The following PCDHA1 variants were observed in gnomAD, a reference collection of about 807,000 sequenced individuals.
PCDHA1 encodes the protein protocadherin alpha-1.
In PCDHA1, 42 loss-of-function variants were observed where a neutral mutation model predicts 61.3. That is an observed-to-expected ratio of 0.69 (90% CI 0.54 to 0.89). PCDHA1 has a LOEUF of 0.89. Ranked by LOEUF, PCDHA1 falls within the 40% of genes least tolerant of loss-of-function variation. The pLI is 0.00. For synonymous variants in PCDHA1, 610 were observed against 553.8 expected (o/e 1.10, Z -1.43); for missense variants, 1,256 against 1,235.3 (o/e 1.02, Z -0.25).
At chr5:140,834,347 AG>A (rs2150215572) in intron 1 of PCDHA1, 2 of 1,523,758 alleles carry the variant, frequency 1.3e-6, no homozygotes, top group South Asian at 2.6e-5. Flanking sequence ...TTCGAAGGCA[AG>A]TTTTGCTGAC....
At chr5:140,927,824 A>C in intron 1 of PCDHA1, 1 of 1,614,182 alleles carries the variant, frequency 6.2e-7, no homozygotes, top group Non-Finnish European at 8.5e-7. Context: ...GCATACATTG[A>C]GGCGAGGGAC....
intron 3 of PCDHA1, among the ~76,000 whole-genome samples, chr5:141,005,512 G>C (rs1015892170): frequency 6.6e-6 from 1 of 151,536 alleles, no homozygotes; most frequent in Non-Finnish European, 1.5e-5. Flanking sequence ...GACCATCCTG[G>C]CTAACACGGT....
chr5:140,875,731 A>C, intron 1 of PCDHA1: 14 of 1,614,150 alleles, frequency 8.7e-6, no homozygotes, highest in Non-Finnish European at 1.0e-5. Context: ...TTTGTTTGTG[A>C]ATTCTCGGAT....
intron 1 of PCDHA1, chr5:140,875,865 G>A (rs782211791): frequency 6.2e-7 from 1 of 1,614,160 alleles, no homozygotes; most frequent in Non-Finnish European, 8.5e-7. Context: ...ACAACCCGCC[G>A]GTGTTCAGAG....
chr5:140,857,988 T>C lies in PCDHA1; in HGVS notation c.2394+69304T>C, dbSNP rs370495338. 30 of 1,596,780 alleles carry C rather than the reference T, an allele frequency of 1.9e-5. 3 individuals carry two copies. In the African/African-American group the frequency reaches 2.3e-4, roughly 12 times the overall value. On this transcript the variant is annotated intron_variant, in intron 1 of 3. Coordinates refer to ENST00000504120, the MANE Select transcript of PCDHA1 (RefSeq NM_018900.4). Reference sequence around the variant, plus strand: ...ACTGACTCGCCACGCCAGCGCCTACTGGTGCTGGTGAAGGACCATGGCGAG... The same window carrying C: ...ACTGACTCGCCACGCCAGCGCCTACCGGTGCTGGTGAAGGACCATGGCGAG...
intron 1 of PCDHA1, chr5:140,836,234 T>A: frequency 6.2e-7 from 1 of 1,613,668 alleles, no homozygotes; most frequent in Non-Finnish European, 8.5e-7. Context: ...TGGCGGCCGG[T>A]GCGAGCATCC....
At chr5:140,896,090 C>T (rs1312909051) in intron 1 of PCDHA1, among the ~76,000 whole-genome samples, 2 of 152,152 alleles carry the variant, frequency 1.3e-5, no homozygotes, top group African/African-American at 4.8e-5. Flanking sequence ...GGATTACAGG[C>T]GTGAGCCACT....
intron 1 of PCDHA1, chr5:140,803,412 C>A: frequency 1.2e-6 from 2 of 1,614,236 alleles, no homozygotes; most frequent in East Asian, 2.2e-5. Flanking sequence ...CAAGCCCACG[C>A]TGGTGTGCTC....
chr5:140,983,030 T>C (rs1333101014), intron 3 of PCDHA1, among the ~76,000 whole-genome samples: 1 of 151,922 alleles, frequency 6.6e-6, no homozygotes, highest in African/African-American at 2.4e-5. Context: ...GGAAGATGGT[T>C]TCTCATGGAA....
intron 1 of PCDHA1, among the ~76,000 whole-genome samples, chr5:140,891,122 G>A (rs572236105): frequency 1.3e-5 from 2 of 152,256 alleles, no homozygotes; most frequent in African/African-American, 4.8e-5. Flanking sequence ...CAATCTAAAT[G>A]TCATTCCTTT....
intron 1 of PCDHA1, chr5:140,841,540 C>T: frequency 1.2e-6 from 2 of 1,613,694 alleles, no homozygotes; most frequent in African/African-American, 1.3e-5. Context: ...GACACCGGGA[C>T]CTTCTGGAGG....
In PCDHA1 at chr5:140,856,749, C is replaced by T. The variant is rs146132566; in HGVS notation, c.2394+68065C>T. The T allele has an allele frequency of 1.3e-4, 214 of 1,595,860 alleles. 19 individuals carry two copies. In the Middle Eastern group the frequency reaches 4.3e-3, roughly 32 times the overall value. On this transcript the variant is annotated intron_variant, in intron 1 of 3. Transcript: ENST00000504120. ...TCTCTGCTGATCCTGGTGTTAGATGCCAATGATAACGCCCCTATCTTTGAC... is the reference window on the plus strand; with the variant it reads ...TCTCTGCTGATCCTGGTGTTAGATGTCAATGATAACGCCCCTATCTTTGAC...
chr5:140,937,039 CT>C (rs34994034), intron 1 of PCDHA1, among the ~76,000 whole-genome samples: 142 of 140,130 alleles, frequency 1.0e-3, no homozygotes, highest in Middle Eastern at 3.8e-3. Flanking sequence ...TTCCATTTAT[CT>C]TTTTTTTTTT....
intron 1 of PCDHA1, chr5:140,876,809 C>T (rs1554168959): frequency 6.2e-7 from 1 of 1,614,200 alleles, no homozygotes; most frequent in Admixed American, 1.7e-5. Flanking sequence ...GTGGAGGTGG[C>T]CGACGTGAAC....
At chr5:140,822,326 A>G in intron 1 of PCDHA1, 1 of 1,614,186 alleles carries the variant, frequency 6.2e-7, no homozygotes, top group Non-Finnish European at 8.5e-7. Context: ...GTTAAAACAA[A>G]TGAAGAAGAA....
At chr5:140,836,301 A>G (rs2150257154) in intron 1 of PCDHA1, 2 of 1,613,612 alleles carry the variant, frequency 1.2e-6, no homozygotes, top group South Asian at 1.1e-5. Context: ...CCTAGATGAG[A>G]CGGACGCACC....
intron 1 of PCDHA1, among the ~76,000 whole-genome samples, chr5:140,951,214 T>C (rs994639576): frequency 1.3e-5 from 2 of 152,218 alleles, no homozygotes; most frequent in African/African-American, 2.4e-5. Context: ...ATCTCAGGTT[T>C]GGATTCTTGA....
At chr5:140,947,374 T>C (rs1252253428) in intron 1 of PCDHA1, among the ~76,000 whole-genome samples, 7 of 151,768 alleles carry the variant, frequency 4.6e-5, no homozygotes, top group Admixed American at 4.6e-4. Context: ...TTGATCTATA[T>C]GTTTATCCTT....
At chr5:140,835,908 T>A in intron 1 of PCDHA1, 1 of 1,612,190 alleles carries the variant, frequency 6.2e-7, no homozygotes, top group Admixed American at 1.7e-5. Flanking sequence ...GAGCTACGTG[T>A]CAGTGCACGC....
Sources: allele counts gnomAD v4.1 joint callset (sites outside exome capture counted in the v4.1 genomes callset), GRCh38; gene constraint gnomAD v4.1.1; transcripts MANE v1.5; gene names NCBI Gene and HGNC (gene_info 2026-07-23, HGNC 2026-07-21).